GOLGB1: variants seen among roughly 807,000 people sequenced by gnomAD.
The protein encoded by GOLGB1 is golgin B1.
GOLGB1 carries 174 observed loss-of-function variants against 336.9 expected under a neutral mutation model. The observed-to-expected ratio is 0.52, with a 90% CI of 0.46 to 0.59. The LOEUF (loss-of-function observed/expected upper bound fraction) is 0.59. Ranked by LOEUF, GOLGB1 falls within the 20% of genes least tolerant of loss-of-function variation. The pLI, the probability that GOLGB1 is intolerant of heterozygous loss-of-function variation, is 0.00. For missense variants in GOLGB1, 3,331 were observed against 3,645.3 expected, an observed-to-expected ratio of 0.91 and a Z score of 2.22; for synonymous variants, 1,208 against 1,289.2, an observed-to-expected ratio of 0.94 and a Z score of 1.35.
At chr3:121,684,537 T>C (rs1941515254) in intron 14 of GOLGB1, among the ~76,000 whole-genome samples, 1 of 149,610 alleles carries the variant, frequency 6.7e-6, no homozygotes, top group African/African-American at 2.5e-5. Flanking sequence ...GGAGGGAAGG[T>C]GGGGTGAGGG....
chr3:121,682,537 C>T (rs1941198388), intron 14 of GOLGB1, among the ~76,000 whole-genome samples: 1 of 152,148 alleles, frequency 6.6e-6, no homozygotes, highest in Non-Finnish European at 1.5e-5. Flanking sequence ...GCACTTCACA[C>T]ATAAAGTTAG....
intron 10 of GOLGB1, among the ~76,000 whole-genome samples, chr3:121,711,545 G>A (rs1177422225): frequency 6.6e-6 from 1 of 152,032 alleles, no homozygotes; most frequent in Non-Finnish European, 1.5e-5. Flanking sequence ...AGTAAAATTT[G>A]TCTTTATTTT....
Position 121,716,820 on chromosome 3 carries a change from G to A in GOLGB1, c.1205C>T (p.Ala402Val), listed in dbSNP as rs750946890. 6 of 1,612,728 alleles carry A rather than the reference G, an allele frequency of 3.7e-6. No individual in the cohort carries two copies. The East Asian group carries it at 1.3e-4, about 36-fold the overall frequency. The change falls in exon 9 of 22, where the codon GCT becomes GTT. Residue 402 changes from alanine (A) to valine (V), a missense_variant. Transcript: ENST00000614479. ...TGQELQSACD[A>V]LKDQNSKLLQ... ...AAGCTTTGAATTTTGATCCTTTAGA[G>A]CATCACAGGCAGACTGCAGCTCTTG...
intron 10 of GOLGB1, among the ~76,000 whole-genome samples, chr3:121,706,616 C>A (rs536142394): frequency 6.6e-6 from 1 of 150,936 alleles, no homozygotes; most frequent in East Asian, 2.0e-4. Context: ...TGCCTGTAAT[C>A]CAAGCTACAT....
In GOLGB1 at chr3:121,702,522, A is replaced by G; in HGVS notation, c.1478T>C (p.Leu493Pro). ...VELENEKGAL[L>P]LSSIELEELK... is the part of the protein sequence containing the mutation. ...CTCCTCCAGCTCTATAGAACTAAGG[A>G]GCAAGGCTCCCTTTTCATTCTCTAG... Residue 493 changes from leucine (L) to proline (P), a missense_variant, in exon 11 of 22, where the codon CTC becomes CCC. Transcript: ENST00000614479. 6.5e-7 allele frequency: 1 copy of G among 1,549,114 alleles called. No homozygotes were observed. Among genetic ancestry groups the G allele is most frequent in the African/African-American group, 1.4e-5 (1 of 71,522 alleles).
rs150976072 is a variant in GOLGB1, at chr3:121,677,435, G to A, written c.8889C>T (p.Ser2963=). The change falls in exon 16 of 22, where the codon TCC becomes TCT. Residue 2963 remains serine, a synonymous_variant. Transcript: ENST00000614479. Reference sequence around the variant, plus strand: ...TCATTCTCCTCTCATGTATTTCCCAGGAACTCTTCTCCATCCTAGAAAAAA... The same window carrying A: ...TCATTCTCCTCTCATGTATTTCCCAAGAACTCTTCTCCATCCTAGAAAAAA... ...ELHQLRMEKS[S]WEIHERRMKE... 8.4e-5 allele frequency: 135 copies of A among 1,608,042 alleles called. No individual in the cohort carries two copies. Among genetic ancestry groups the A allele is most frequent in the Admixed American group, 1.7e-5 (1 of 59,886 alleles).
intron 14 of GOLGB1, among the ~76,000 whole-genome samples, chr3:121,685,341 C>T (rs975242592): frequency 2.0e-5 from 3 of 151,944 alleles, no homozygotes; most frequent in South Asian, 4.1e-4. Context: ...TTGAGACCAC[C>T]CTGGCCAACA....
intron 21 of GOLGB1, 124 bp downstream of exon 21, chr3:121,664,802 G>C: frequency 2.5e-6 from 2 of 792,472 alleles, no homozygotes; most frequent in South Asian, 3.2e-5. Context: ...CGCCCTTCCA[G>C]CCTTAGACTC....
In GOLGB1 at chr3:121,692,080, C is replaced by T. The variant is rs377586614; in HGVS notation, c.7284G>A (p.Glu2428=). Residue 2428 remains glutamate (E), a synonymous_variant, in exon 14 of 22, where the codon GAG becomes GAA. Coordinates refer to ENST00000614479, the MANE Select transcript of GOLGB1 (RefSeq NM_001366282.2). ...LENLLSQEEE[E]NIVLEEENKK... is the part of the protein sequence containing the mutation. Reference sequence around the variant, plus strand: ...TGTTCTCCTCTTCTAAAACAATATTCTCCTCTTCCTCCTGGGACAGCAGGT... The same window carrying T: ...TGTTCTCCTCTTCTAAAACAATATTTTCCTCTTCCTCCTGGGACAGCAGGT... The T allele has an allele frequency of 5.2e-5, 84 of 1,613,464 alleles. No individual in the cohort carries two copies. Among genetic ancestry groups the T allele is most frequent in the Non-Finnish European group, 1.1e-5 (13 of 1,179,786 alleles).
At chr3:121,736,694 G>A (rs566138277) in intron 1 of GOLGB1, among the ~76,000 whole-genome samples, 2 of 152,292 alleles carry the variant, frequency 1.3e-5, no homozygotes, top group East Asian at 3.9e-4. Flanking sequence ...CTTGAGGTCA[G>A]TAGTTCGAGA....
Position 121,710,950 on chromosome 3 carries a change from C to T in GOLGB1, c.1404+3911G>A, listed in dbSNP as rs570515514. 4.6e-5 allele frequency among the ~76,000 whole-genome samples: 7 copies of T among 152,088 alleles called. No individual in the cohort carries two copies. The East Asian group carries it at 1.2e-3, about 25-fold the overall frequency. On this transcript the variant is annotated intron_variant, in intron 10 of 21. Transcript: ENST00000614479. Reference sequence around the variant, plus strand: ...ATGTCAGCACTTTGGGAGGCCAAGACGGGTAGATCACCAATGGTTAGGAGG... The same window carrying T: ...ATGTCAGCACTTTGGGAGGCCAAGATGGGTAGATCACCAATGGTTAGGAGG...
In GOLGB1 at chr3:121,685,873, A is replaced by T. The variant is rs112412295; in HGVS notation, c.8695-4008T>A. Among the ~76,000 whole-genome samples, 15 of 152,296 alleles carry T rather than the reference A, an allele frequency of 9.8e-5. 1 individual carries two copies. The highest frequency in any genetic ancestry group is 4.1e-4 in the South Asian group (2 of 4,820). On this transcript the variant is annotated intron_variant, in intron 14 of 21. Transcript: ENST00000614479. Reference sequence around the variant, plus strand: ...AACTTTATTTTTAACCCAAACCCCAAAACATATTTTTGTTTTGATTTAAGG... The same window carrying T: ...AACTTTATTTTTAACCCAAACCCCATAACATATTTTTGTTTTGATTTAAGG...
chr3:121,740,096 C>CAACA (rs1415794806), intron 1 of GOLGB1, among the ~76,000 whole-genome samples: 8 of 152,300 alleles, frequency 5.3e-5, no homozygotes, highest in Admixed American at 3.3e-4. Context: ...CATAACAAGG[C>CAACA]AACACAAGGG....
At chr3:121,707,961 T>A (rs1944029993) in intron 10 of GOLGB1, among the ~76,000 whole-genome samples, 1 of 152,244 alleles carries the variant, frequency 6.6e-6, no homozygotes. Context: ...TTTATTTTCT[T>A]ATTTTAATCT....
chr3:121,717,852 A>T (rs1455698835), intron 8 of GOLGB1, among the ~76,000 whole-genome samples: 2 of 152,220 alleles, frequency 1.3e-5, no homozygotes, highest in African/African-American at 4.8e-5. Context: ...CAGATGGTGG[A>T]ATATCTTGGA....
chr3:121,694,426 A>C lies in GOLGB1; in HGVS notation c.6097T>G (p.Cys2033Gly). ...QQEVKQLQKD[C>G]IRYQEKISAL... Reference sequence around the variant, plus strand: ...CTAATTTTCTCTTGATACCTGATGCAGTCCTTCTGTAGCTGCTTTACTTCT... The same window carrying C: ...CTAATTTTCTCTTGATACCTGATGCCGTCCTTCTGTAGCTGCTTTACTTCT... Residue 2033 changes from cysteine (C) to glycine (G), a missense_variant, in exon 13 of 22, where the codon TGC becomes GGC. Transcript: ENST00000614479. 6.2e-7 allele frequency: 1 copy of C among 1,613,296 alleles called. No individual in the cohort carries two copies. Among genetic ancestry groups the C allele is most frequent in the South Asian group, 1.1e-5 (1 of 91,048 alleles).
intron 1 of GOLGB1, among the ~76,000 whole-genome samples, chr3:121,736,074 G>A (rs1255037207): frequency 6.6e-6 from 1 of 152,120 alleles, no homozygotes; most frequent in Admixed American, 6.5e-5. Flanking sequence ...GGATTATATG[G>A]ATTATAACCC....
At chr3:121,673,437 A>T (rs909324694) in intron 17 of GOLGB1, among the ~76,000 whole-genome samples, 5 of 151,592 alleles carry the variant, frequency 3.3e-5, no homozygotes, top group African/African-American at 1.2e-4. Context: ...TACATATTAA[A>T]TTTTTTTTCC....
rs1942978699 is a variant in GOLGB1 at position 121,696,704 on chromosome 3, G to T, written c.3819C>A (p.Phe1273Leu). ...SSTPGLEEPL[F>L]KATEQHHTQP... ...GAGTGTGATGCTGTTCTGTGGCTTT[G>T]AATAAAGGTTCTTCTAAACCTGGAG... Residue 1273 changes from phenylalanine to leucine, a missense_variant, in exon 13 of 22, where the codon TTC (phenylalanine) becomes TTA (leucine). Physicochemically the swap from Phe to Leu is conservative, Grantham distance 22. Coordinates refer to ENST00000614479, the MANE Select transcript of GOLGB1 (RefSeq NM_001366282.2). 6.2e-7 allele frequency: 1 copy of T among 1,614,002 alleles called. No individual in the cohort carries two copies. The highest frequency in any genetic ancestry group is 1.3e-5 in the African/African-American group (1 of 74,920).
Sources: gnomAD v4.1 joint callset for allele counts (sites outside exome capture counted in the v4.1 genomes callset) on GRCh38, gnomAD v4.1.1 for gene constraint, MANE v1.5 for transcripts, NCBI Gene and HGNC (gene_info 2026-07-23, HGNC 2026-07-21) for gene names.